TIAM1: variants seen among roughly 807,000 people sequenced by gnomAD.
TIAM1 encodes rho guanine nucleotide exchange factor TIAM1.
A neutral mutation model predicts 163.5 loss-of-function variants in TIAM1; 65 were observed. That is an observed-to-expected ratio of 0.40 (90% CI 0.33 to 0.49). The LOEUF (loss-of-function observed/expected upper bound fraction) is 0.49. Among genes scored for constraint, TIAM1 ranks in the 20% least tolerant of loss-of-function variants. The pLI, the probability that TIAM1 is intolerant of heterozygous loss-of-function variation, is 0.77. For missense variants in TIAM1, 1,789 were observed against 2,044.7 expected (o/e 0.87, Z 2.41); for synonymous variants, 833 against 810.1 (o/e 1.03, Z -0.48).
At chr21:31,412,784 T>TGA (rs1326377799) in intron 2 of TIAM1, among the ~76,000 whole-genome samples, 10 of 103,538 alleles carry the variant, frequency 9.7e-5, no homozygotes, top group Non-Finnish European at 1.8e-4. Context: ...TGTCTCAGGT[T>TGA]AAAAAAAAAA....
intron 1 of TIAM1, among the ~76,000 whole-genome samples, chr21:31,526,731 TC>T (rs1022492035): frequency 1.3e-5 from 2 of 152,094 alleles, no homozygotes; most frequent in African/African-American, 4.8e-5. Flanking sequence ...TGACAGAGTC[TC>T]CCTATGTCAC....
chr21:31,210,844 T>G (rs2086851876), intron 10 of TIAM1, among the ~76,000 whole-genome samples: 1 of 151,696 alleles, frequency 6.6e-6, no homozygotes, highest in Non-Finnish European at 1.5e-5. Context: ...TTATGGCTCT[T>G]ATTTCTTCCA....
At chr21:31,400,814 G>A (rs2077152110) in intron 2 of TIAM1, among the ~76,000 whole-genome samples, 2 of 152,064 alleles carry the variant, frequency 1.3e-5, no homozygotes, top group South Asian at 2.1e-4. Flanking sequence ...ATCCCGGCCG[G>A]GCACAGTGGC....
intron 1 of TIAM1, among the ~76,000 whole-genome samples, chr21:31,537,384 G>A (rs913495766): frequency 6.6e-6 from 1 of 151,818 alleles, no homozygotes; most frequent in Non-Finnish European, 1.5e-5. Context: ...TTTTTGGTTG[G>A]GGGGGATGCA....
At position 31,153,122 on chromosome 21, in the gene TIAM1, G is replaced by A; in HGVS notation, c.3184C>T (p.Leu1062Phe). ...AGAGGCTTTAGGTATCTCTCCATAAGACAGTTTAAATCCTAAGAATTGAAA... is the reference window on the plus strand; with the variant it reads ...AGAGGCTTTAGGTATCTCTCCATAAAACAGTTTAAATCCTAAGAATTGAAA... ...ERTYVKDLNC[L>F]MERYLKPLQK... The change falls in exon 18 of 28, where the codon CTT becomes TTT. Residue 1062 changes from leucine (L) to phenylalanine (F), a missense_variant. By Grantham distance (22) the Leu-to-Phe change is conservative (BLOSUM62 0). Transcript: ENST00000541036. 6.2e-7 allele frequency: 1 copy of A among 1,612,010 alleles called. No individual in the cohort carries two copies. The highest frequency in any genetic ancestry group is 8.5e-7 in the Non-Finnish European group (1 of 1,179,380).
At chr21:31,233,301 A>G (rs1042344208) in intron 6 of TIAM1, among the ~76,000 whole-genome samples, 6 of 152,230 alleles carry the variant, frequency 3.9e-5, no homozygotes, top group African/African-American at 1.4e-4. Flanking sequence ...AAGAGGCTAG[A>G]TAGGAATAAA....
intron 5 of TIAM1, among the ~76,000 whole-genome samples, chr21:31,249,967 A>T (rs560387220): frequency 6.6e-5 from 10 of 152,092 alleles, no homozygotes; most frequent in African/African-American, 1.9e-4. Context: ...GCAACATAGT[A>T]AGACCCTGTC....
In TIAM1 at chr21:31,120,325, C is replaced by A; in HGVS notation, c.*43G>T. ...TACAGGAGGGTGGGCAGAGTTAGGGCAGGAAGTATCTACACACATTCTCTA... is the reference window on the plus strand; with the variant it reads ...TACAGGAGGGTGGGCAGAGTTAGGGAAGGAAGTATCTACACACATTCTCTA... On this transcript the variant is annotated 3_prime_UTR_variant, in exon 28 of 28. Coordinates refer to ENST00000541036, the MANE Select transcript of TIAM1 (RefSeq NM_001353694.2). The surrounding 1 kb of genome is among the most constrained non-coding windows in gnomAD (Gnocchi z 4.2). 6.5e-7 allele frequency: 1 copy of A among 1,542,676 alleles called. No individual in the cohort carries two copies. The highest frequency in any genetic ancestry group is 1.3e-5 in the South Asian group (1 of 79,410).
chr21:31,276,476 T>C (rs537121468), intron 3 of TIAM1, among the ~76,000 whole-genome samples: 13 of 152,320 alleles, frequency 8.5e-5, no homozygotes, highest in Admixed American at 2.6e-4. Context: ...GGGATAAATT[T>C]ACGAGATCCT....
At chr21:31,550,537 T>C (rs1037831517) in intron 1 of TIAM1, among the ~76,000 whole-genome samples, 4 of 152,120 alleles carry the variant, frequency 2.6e-5, no homozygotes, top group Non-Finnish European at 4.4e-5. Context: ...TTTGGGGTGA[T>C]GAAAGTGTCC....
At chr21:31,344,565 G>T (rs2076109952), upstream of TIAM1, among the ~76,000 whole-genome samples, 2 of 152,142 alleles carry the variant, frequency 1.3e-5, no homozygotes, top group African/African-American at 4.8e-5. Context: ...CCTCTTAAAA[G>T]ATATAAAAGG....
At chr21:31,216,457 A>G (rs2087219095) in intron 9 of TIAM1, among the ~76,000 whole-genome samples, 1 of 152,128 alleles carries the variant, frequency 6.6e-6, no homozygotes, top group Non-Finnish European at 1.5e-5. Flanking sequence ...CAAACTGGAC[A>G]TTCTTCTTCC....
chr21:31,303,776 G>C (rs1242593375), intron 2 of TIAM1, among the ~76,000 whole-genome samples: 1 of 152,012 alleles, frequency 6.6e-6, no homozygotes, highest in Non-Finnish European at 1.5e-5. Flanking sequence ...TCAGGAGTTC[G>C]AGACCAGCCT....
intron 13 of TIAM1, 121 bp from the exon 14 acceptor site, chr21:31,187,208 T>C (rs2085344650): frequency 7.0e-6 from 6 of 851,968 alleles, no homozygotes; most frequent in Non-Finnish European, 9.4e-6. Flanking sequence ...TTGGACTGAT[T>C]GTTTTTTCTT....
Position 31,120,960 on chromosome 21 carries a change from T to A in TIAM1, c.4307-123A>T, listed in dbSNP as rs2081979814. The stretch of plus-strand genomic sequence containing the variant: ...ACGGTATGCATTGAATGCCTTGATG[T>A]CTTTTGGGGCTTAAAGTCTACATAT... On this transcript the variant is annotated intron_variant, in intron 27 of 27. Transcript: ENST00000541036. The surrounding 1 kb of genome is among the most constrained non-coding windows in gnomAD (Gnocchi z 4.2). 3.4e-6 allele frequency: 3 copies of A among 879,056 alleles called. No homozygotes were observed. In the South Asian group the frequency reaches 5.4e-5, roughly 16 times the overall value. 54.5% of individuals were successfully genotyped at this position (879,056 alleles called of 1,614,324 possible).
At chr21:31,522,458 C>T (rs542039979) in intron 1 of TIAM1, among the ~76,000 whole-genome samples, 6 of 150,720 alleles carry the variant, frequency 4.0e-5, no homozygotes, top group Non-Finnish European at 7.4e-5. Context: ...TGCGGTGAGC[C>T]GAGATCGCAC....
chr21:31,475,268 G>T (rs1007324038), intron 1 of TIAM1, among the ~76,000 whole-genome samples: 1 of 151,856 alleles, frequency 6.6e-6, no homozygotes, highest in African/African-American at 2.4e-5. Context: ...TGCCCAGGCT[G>T]GTCTCAAACT....
At chr21:31,456,067 A>G (rs747175099) in intron 2 of TIAM1, among the ~76,000 whole-genome samples, 2 of 152,236 alleles carry the variant, frequency 1.3e-5, no homozygotes, top group Non-Finnish European at 2.9e-5. Flanking sequence ...GGAAGCACAC[A>G]CTGAGAATTC....
At chr21:31,392,583 A>AC (rs1354117481) in intron 2 of TIAM1, among the ~76,000 whole-genome samples, 2 of 151,564 alleles carry the variant, frequency 1.3e-5, no homozygotes, top group Non-Finnish European at 2.9e-5. Flanking sequence ...AAAAAAAAAA[A>AC]AAAAAAAAAA....
Sources: allele counts gnomAD v4.1 joint callset (sites outside exome capture counted in the v4.1 genomes callset), GRCh38; gene constraint gnomAD v4.1.1; non-coding constraint Gnocchi (gnomAD v3.1); transcripts MANE v1.5; gene names NCBI Gene and HGNC (gene_info 2026-07-23, HGNC 2026-07-21).